Variants in RALGAPA1 observed in about 807,000 individuals in gnomAD.
RALGAPA1 encodes the protein ral GTPase-activating protein subunit alpha-1.
Under a neutral mutation model 269.6 loss-of-function variants are expected in RALGAPA1, and 52 were observed. The ratio of observed to expected loss-of-function variants is 0.19; its 90% CI spans 0.15 to 0.24. RALGAPA1 has a LOEUF of 0.24. Ranked by LOEUF, RALGAPA1 falls within the 10% of genes least tolerant of loss-of-function variation. RALGAPA1 has a pLI of 1.00. For missense variants in RALGAPA1, 1,917 were observed against 3,013.9 expected (o/e 0.64, Z 8.52); for synonymous variants, 817 against 1,008.3 (o/e 0.81, Z 3.60).
At chr14:35,706,576 T>C (rs1270027867) in intron 16 of RALGAPA1, 1 of 151,960 alleles carries the variant, frequency 6.6e-6, no homozygotes, top group Non-Finnish European at 1.5e-5. Flanking sequence ...TTCTTTTCCT[T>C]CAATATTGTG....
intron 35 of RALGAPA1, among the ~76,000 whole-genome samples, chr14:35,611,266 C>T (rs1021835516): frequency 2.0e-5 from 3 of 151,806 alleles, no homozygotes; most frequent in Non-Finnish European, 2.9e-5. Context: ...GAGGCCAAGG[C>T]GGGTGGATCA....
intron 10 of RALGAPA1, 182 bp downstream of exon 10, chr14:35,748,403 G>C: frequency 2.6e-6 from 1 of 386,858 alleles, no homozygotes; most frequent in Non-Finnish European, 4.2e-6. Flanking sequence ...TTTAAGAGAT[G>C]CGGTCTCTCC....
At chr14:35,749,868 A>C (rs1164150941) in intron 9 of RALGAPA1, among the ~76,000 whole-genome samples, 1 of 152,198 alleles carries the variant, frequency 6.6e-6, no homozygotes, top group African/African-American at 2.4e-5. Context: ...TTTAAAAACT[A>C]AGAAAATCTG....
intron 38 of RALGAPA1, 133 bp downstream of exon 38, chr14:35,572,427 G>C (rs917775499): frequency 1.2e-5 from 7 of 595,688 alleles, no homozygotes; most frequent in African/African-American, 1.1e-4. Flanking sequence ...AGCTACCAGG[G>C]TCTATGTAAC....
chr14:35,581,507 T>C (rs542616706), intron 37 of RALGAPA1, among the ~76,000 whole-genome samples: 7 of 152,282 alleles, frequency 4.6e-5, no homozygotes, highest in Non-Finnish European at 1.0e-4. Context: ...AGCTGAAACA[T>C]TGCTTTAATT....
chr14:35,595,026 G>A (rs1370391232), intron 37 of RALGAPA1, among the ~76,000 whole-genome samples: 2 of 151,736 alleles, frequency 1.3e-5, no homozygotes. Flanking sequence ...TGTGTCCTAA[G>A]TGAAATAAGC....
At chr14:35,700,704 C>T (rs541303005) in intron 16 of RALGAPA1, among the ~76,000 whole-genome samples, 2 of 152,274 alleles carry the variant, frequency 1.3e-5, no homozygotes, top group East Asian at 3.9e-4. Flanking sequence ...TTTCTCTAGG[C>T]AATCCTGAGC....
chr14:35,560,940 G>A (rs1423332600), intron 39 of RALGAPA1, among the ~76,000 whole-genome samples: 4 of 151,994 alleles, frequency 2.6e-5, no homozygotes, highest in East Asian at 1.9e-4. Flanking sequence ...TTTAAAATAC[G>A]GTAACATCGC....
At chr14:35,571,824 C>G (rs2139462961) in intron 38 of RALGAPA1, among the ~76,000 whole-genome samples, 1 of 152,302 alleles carries the variant, frequency 6.6e-6, no homozygotes, top group South Asian at 2.1e-4. Context: ...GGGCCACAGT[C>G]TGCTGGCCTC....
rs1234420549 is a variant in RALGAPA1 at position 35,549,367 on chromosome 14, A to T, written c.7497-133T>A. ...AATTATTCACTAATTATTCTTATAT[A>T]TTGTTAACAGTATGGCTTTTTAAAG... On this transcript the variant is annotated intron_variant, in intron 39 of 41. Transcript: ENST00000680220. 3 of 912,970 alleles carry T rather than the reference A, an allele frequency of 3.3e-6. No individual in the cohort carries two copies. In the African/African-American group the frequency reaches 5.1e-5, roughly 16 times the overall value. The allele number at this position is 912,970 out of a possible 1,614,324, so 56.6% of individuals were successfully genotyped here. A position where few individuals can be genotyped will look rare whatever the true frequency, so the allele number is the denominator to read the frequency against.
chr14:35,734,833 T>C (rs553602266), intron 12 of RALGAPA1, among the ~76,000 whole-genome samples: 100 of 151,820 alleles, frequency 6.6e-4, no homozygotes, highest in African/African-American at 2.3e-3. Context: ...GAATCTACAA[T>C]GAATTCAAAT....
chr14:35,634,579 G>T lies in RALGAPA1; in HGVS notation c.5990C>A (p.Thr1997Lys), dbSNP rs772058841. 1 of 1,609,938 alleles carries T rather than the reference G, an allele frequency of 6.2e-7. No homozygotes were observed. Among genetic ancestry groups the T allele is most frequent in the Admixed American group, 1.7e-5 (1 of 59,560 alleles). ...CTGAACAGAATTCATGTTACCTTCT[G>T]TTACTGGCTGGAGTTTAGAAGATCG... ...SERSSKLQPV[T>K]EVKTQMQHGL... Residue 1997 changes from threonine to lysine, a missense_variant, in exon 33 of 42, where the codon ACA becomes AAA. Physicochemically the swap from Thr to Lys is moderately conservative, Grantham distance 78. This residue lies in a region of RALGAPA1 where 346 missense variants were observed against 566.1 expected (regional missense o/e 0.61). Coordinates refer to ENST00000680220, the MANE Select transcript of RALGAPA1 (RefSeq NM_001346249.2).
chr14:35,607,938 T>C (rs528669506), intron 35 of RALGAPA1, among the ~76,000 whole-genome samples: 4 of 152,254 alleles, frequency 2.6e-5, no homozygotes, highest in African/African-American at 9.6e-5. Flanking sequence ...TAGAGTAAGA[T>C]GTAGGACGGA....
intron 35 of RALGAPA1, among the ~76,000 whole-genome samples, chr14:35,621,219 C>A (rs1367276603): frequency 6.6e-6 from 1 of 152,104 alleles, no homozygotes; most frequent in East Asian, 1.9e-4. Context: ...ACATCTACGA[C>A]CATCTAATCT....
At position 35,805,389 on chromosome 14, in the gene RALGAPA1, C is replaced by A. The variant is rs1390443118; in HGVS notation, c.106+3341G>T. ...CCCGGGAGGCGGAGGTTGCAGTGAG[C>A]CGAGATCGCGCCACTGCATTCCAGC... On this transcript the variant is annotated intron_variant, in intron 1 of 41. Transcript: ENST00000680220. Among the ~76,000 whole-genome samples the A allele has an allele frequency of 2.0e-5, 3 of 150,860 alleles. No individual in the cohort carries two copies. In the East Asian group the frequency reaches 5.9e-4, roughly 30 times the overall value.
intron 31 of RALGAPA1, among the ~76,000 whole-genome samples, chr14:35,646,821 G>T (rs951506738): frequency 2.6e-5 from 4 of 152,188 alleles, no homozygotes; most frequent in African/African-American, 9.6e-5. Flanking sequence ...AAAGTAGTCA[G>T]CAGTATACAC....
chr14:35,738,367 G>T, intron 12 of RALGAPA1, 146 bp downstream of exon 12: 1 of 427,020 alleles, frequency 2.3e-6, no homozygotes, highest in Non-Finnish European at 3.9e-6. Context: ...TATATTAAGT[G>T]ATGAAAGGAA....
intron 41 of RALGAPA1, among the ~76,000 whole-genome samples, chr14:35,545,091 T>C (rs150130164): frequency 6.6e-6 from 1 of 152,316 alleles, no homozygotes; most frequent in African/African-American, 2.4e-5. Context: ...TGTTACATAT[T>C]GCAGGCAACT....
chr14:35,639,694 C>A (rs540025577), intron 31 of RALGAPA1, among the ~76,000 whole-genome samples: 2 of 152,288 alleles, frequency 1.3e-5, no homozygotes, highest in South Asian at 4.1e-4. Flanking sequence ...AATCCCAGCA[C>A]TTTCGGAGGC....
Sources: allele counts gnomAD v4.1 joint callset (sites outside exome capture counted in the v4.1 genomes callset), GRCh38; gene constraint gnomAD v4.1.1; regional missense constraint gnomAD v4.1.1; transcripts MANE v1.5; gene names NCBI Gene and HGNC (gene_info 2026-07-23, HGNC 2026-07-21).